The following SCFD2 variants were observed in gnomAD, a reference collection of about 807,000 sequenced individuals.
SCFD2 encodes sec1 family domain-containing protein 2.
In SCFD2, 54 loss-of-function variants were observed where a neutral mutation model predicts 58.9. The ratio of observed to expected loss-of-function variants is 0.92; its 90% CI spans 0.74 to 1.15. The LOEUF is 1.15. Among genes scored for constraint, SCFD2 ranks in the 50% most tolerant of loss-of-function variants. The probability of loss-of-function intolerance (pLI) is 0.00; values close to 1 mark genes in which losing one functional copy is unlikely to be tolerated. For synonymous variants in SCFD2, 321 were observed against 335.9 expected, an observed-to-expected ratio of 0.96 and a Z score of 0.49; for missense variants, 805 against 836.6, an observed-to-expected ratio of 0.96 and a Z score of 0.47.
chr4:52,940,539 T>A (rs1271335406), intron 5 of SCFD2, among the ~76,000 whole-genome samples: 1 of 152,154 alleles, frequency 6.6e-6, no homozygotes, highest in East Asian at 1.9e-4. Context: ...ATAAGGTAGA[T>A]TAGAAGATGA....
chr4:52,953,650 C>T (rs1720650824), intron 5 of SCFD2, among the ~76,000 whole-genome samples: 1 of 152,130 alleles, frequency 6.6e-6, no homozygotes, highest in South Asian at 2.1e-4. Flanking sequence ...ACTGCTTTGT[C>T]AAGTGTCAAG....
rs531407948 is a variant in SCFD2, at chr4:53,201,354, T to C, written c.1312-55772A>G. Among the ~76,000 whole-genome samples, 6 of 152,316 alleles carry C rather than the reference T, an allele frequency of 3.9e-5. No individual in the cohort carries two copies. In the South Asian group the frequency reaches 1.2e-3, roughly 32 times the overall value. Reference sequence around the variant, plus strand: ...CCATGTCCCTACAAAGGACATGAACTCATCCTTTTTTATGGCTCCATAGTA... The same window carrying C: ...CCATGTCCCTACAAAGGACATGAACCCATCCTTTTTTATGGCTCCATAGTA... On this transcript the variant is annotated intron_variant, in intron 4 of 8. Coordinates refer to ENST00000401642, the MANE Select transcript of SCFD2 (RefSeq NM_152540.4).
chr4:53,146,266 T>C (rs1177579737), intron 4 of SCFD2, among the ~76,000 whole-genome samples: 1 of 152,218 alleles, frequency 6.6e-6, no homozygotes, highest in East Asian at 1.9e-4. Flanking sequence ...TTGAATGTGA[T>C]AATAGCACTG....
chr4:53,341,202 A>C (rs1448034927), intron 2 of SCFD2, among the ~76,000 whole-genome samples: 3 of 152,138 alleles, frequency 2.0e-5, no homozygotes, highest in African/African-American at 7.2e-5. Flanking sequence ...GAAGCTAAAA[A>C]CCTTGAAAAA....
chr4:53,055,541 G>T (rs1189766843), intron 5 of SCFD2, among the ~76,000 whole-genome samples: 1 of 152,118 alleles, frequency 6.6e-6, no homozygotes, highest in Non-Finnish European at 1.5e-5. Context: ...TTCCTGTAAG[G>T]TATTCATCCC....
At chr4:52,921,171 C>T (rs1221624958) in intron 5 of SCFD2, among the ~76,000 whole-genome samples, 1 of 152,074 alleles carries the variant, frequency 6.6e-6, no homozygotes, top group African/African-American at 2.4e-5. Flanking sequence ...AAGCAAGCTC[C>T]TAGGGCCCAT....
chr4:52,942,903 C>A (rs188762594), intron 5 of SCFD2, among the ~76,000 whole-genome samples: 77 of 150,734 alleles, frequency 5.1e-4, no homozygotes, highest in African/African-American at 1.9e-3. Context: ...TTATAGATAG[C>A]TAAGGATATG....
At chr4:53,317,812 G>A (rs1732910293) in intron 2 of SCFD2, among the ~76,000 whole-genome samples, 5 of 152,264 alleles carry the variant, frequency 3.3e-5, no homozygotes, top group Middle Eastern at 3.4e-3. Flanking sequence ...TCTCCTAAAT[G>A]GGGATGGTAA....
At chr4:52,882,846 AC>A (rs1042797137) in intron 8 of SCFD2, among the ~76,000 whole-genome samples, 3 of 152,130 alleles carry the variant, frequency 2.0e-5, no homozygotes, top group African/African-American at 7.2e-5. Flanking sequence ...CCTCTAGAGA[AC>A]CCTGACTAAT....
In SCFD2 at chr4:53,354,208, T is replaced by C. The variant is rs183768592; in HGVS notation, c.839-1442A>G. ...GGGGTGGTGCTCGGGCATGGCGGGC[T>C]GCAGGTACCAAGCCCTGCCCCGCGG... On this transcript the variant is annotated intron_variant, in intron 1 of 8. Transcript: ENST00000401642. Among the ~76,000 whole-genome samples, 276 of 152,336 alleles carry C rather than the reference T, an allele frequency of 1.8e-3. 1 individual carries two copies. The highest frequency in any genetic ancestry group is 6.4e-3 in the African/African-American group (265 of 41,584).
chr4:52,936,915 CCTTT>C (rs1720152279), intron 5 of SCFD2, among the ~76,000 whole-genome samples: 2 of 152,222 alleles, frequency 1.3e-5, no homozygotes, highest in Admixed American at 1.3e-4. Flanking sequence ...AGCTGATCTT[CCTTT>C]CTTTCAATAA....
intron 5 of SCFD2, among the ~76,000 whole-genome samples, chr4:53,137,546 T>C (rs756619219): frequency 7.9e-5 from 12 of 152,206 alleles, no homozygotes; most frequent in Non-Finnish European, 1.6e-4. Flanking sequence ...TTATCAACAG[T>C]AAAATAAGAG....
At chr4:53,299,825 G>C (rs1040672944) in intron 3 of SCFD2, among the ~76,000 whole-genome samples, 4 of 152,064 alleles carry the variant, frequency 2.6e-5, no homozygotes, top group Non-Finnish European at 5.9e-5. Context: ...TTTCAACCCA[G>C]AATTTCATAT....
intron 5 of SCFD2, among the ~76,000 whole-genome samples, chr4:52,966,074 C>T (rs1274310785): frequency 6.6e-6 from 1 of 152,172 alleles, no homozygotes; most frequent in Non-Finnish European, 1.5e-5. Flanking sequence ...ATAGGATCAA[C>T]CCTTGACAGC....
intron 5 of SCFD2, among the ~76,000 whole-genome samples, chr4:53,017,572 T>C (rs1396961183): frequency 6.6e-6 from 1 of 152,228 alleles, no homozygotes; most frequent in Non-Finnish European, 1.5e-5. Context: ...ATATGGACTT[T>C]AAAATATCCC....
intron 4 of SCFD2, among the ~76,000 whole-genome samples, chr4:53,197,765 AAAG>A (rs1388593688): frequency 2.0e-5 from 3 of 151,390 alleles, no homozygotes; most frequent in Admixed American, 6.6e-5. Flanking sequence ...AAAAAAAAAA[AAAG>A]AAATGAATAT....
intron 5 of SCFD2, among the ~76,000 whole-genome samples, chr4:53,058,972 C>A (rs1457476440): frequency 6.6e-6 from 1 of 152,110 alleles, no homozygotes; most frequent in East Asian, 1.9e-4. Flanking sequence ...AAGTAGCATG[C>A]CACTCAGTGC....
intron 5 of SCFD2, among the ~76,000 whole-genome samples, chr4:52,923,878 A>G (rs1384799047): frequency 2.0e-5 from 3 of 152,202 alleles, no homozygotes; most frequent in African/African-American, 7.2e-5. Flanking sequence ...CTGGGAGGTT[A>G]TGGCTTCTCA....
chr4:53,019,246 A>ATAG (rs1722288872), intron 5 of SCFD2, among the ~76,000 whole-genome samples: 1 of 152,252 alleles, frequency 6.6e-6, no homozygotes, highest in South Asian at 2.1e-4. Flanking sequence ...TAAATAAAAA[A>ATAG]TAGTAAATCT....
Sources: allele counts gnomAD v4.1 joint callset (sites outside exome capture counted in the v4.1 genomes callset), GRCh38; gene constraint gnomAD v4.1.1; transcripts MANE v1.5; gene names NCBI Gene and HGNC (gene_info 2026-07-23, HGNC 2026-07-21).